Variants in DOCK10 observed in about 807,000 individuals in gnomAD.
DOCK10 encodes the protein dedicator of cytokinesis 10.
Under a neutral mutation model 280.1 loss-of-function variants are expected in DOCK10, and 145 were observed. That is an observed-to-expected ratio of 0.52 (90% CI 0.45 to 0.59). The LOEUF (loss-of-function observed/expected upper bound fraction) is 0.59, where lower values mean the gene tolerates loss of function less well. DOCK10 is among the 20% of genes least tolerant of loss of function. The pLI, the probability that DOCK10 is intolerant of heterozygous loss-of-function variation, is 0.00. For synonymous variants in DOCK10, 915 were observed against 942.2 expected, an observed-to-expected ratio of 0.97 and a Z score of 0.53; for missense variants, 2,368 against 2,651.7, an observed-to-expected ratio of 0.89 and a Z score of 2.35.
At chr2:224,969,061 T>C (rs1165033558) in intron 1 of DOCK10, among the ~76,000 whole-genome samples, 1 of 152,230 alleles carries the variant, frequency 6.6e-6, no homozygotes, top group Non-Finnish European at 1.5e-5. Context: ...GGCAAAGCTG[T>C]TCAGCTGTGA....
At chr2:224,853,156 A>C (rs772399793) in intron 16 of DOCK10, 34 bp from the exon 17 acceptor site, 1 of 1,506,120 alleles carries the variant, frequency 6.6e-7, no homozygotes, top group Non-Finnish European at 9.0e-7. Context: ...TTTGTCATTT[A>C]ATATGGTTCT....
chr2:224,831,967 G>T (rs72970985), intron 26 of DOCK10, among the ~76,000 whole-genome samples: 6,382 of 152,218 alleles, frequency 0.042, 182 homozygotes, highest in Middle Eastern at 0.092. Context: ...TTAAACCTTG[G>T]CCTGTGAGGA....
chr2:224,811,838 G>A (rs1693803116), intron 31 of DOCK10, among the ~76,000 whole-genome samples: 1 of 151,668 alleles, frequency 6.6e-6, no homozygotes, highest in South Asian at 2.1e-4. Flanking sequence ...CTGTTCCATT[G>A]ATCTATATCT....
chr2:225,030,079 G>T (rs1363872927), intron 1 of DOCK10, among the ~76,000 whole-genome samples: 3 of 149,742 alleles, frequency 2.0e-5, no homozygotes, highest in Non-Finnish European at 4.4e-5. Flanking sequence ...CCAGGAGGCA[G>T]AAGTTGCAGT....
chr2:224,765,963 GAC>G (rs1690057214), intron 55 of DOCK10, 126 bp from the exon 56 acceptor site: 1 of 645,762 alleles, frequency 1.5e-6, no homozygotes, highest in African/African-American at 1.9e-5. Flanking sequence ...ATTATAAAAA[GAC>G]ACATATTAAA....
intron 1 of DOCK10, among the ~76,000 whole-genome samples, chr2:224,950,982 T>A (rs1009618868): frequency 6.6e-6 from 1 of 152,144 alleles, no homozygotes; most frequent in African/African-American, 2.4e-5. Flanking sequence ...CTGCATGGCA[T>A]CTGAACAGAG....
At chr2:224,873,343 G>A (rs1300364062) in intron 11 of DOCK10, among the ~76,000 whole-genome samples, 1 of 152,154 alleles carries the variant, frequency 6.6e-6, no homozygotes, top group Non-Finnish European at 1.5e-5. Flanking sequence ...TTGAGAGGTT[G>A]AGGCAGGCAG....
At chr2:224,879,707 G>A (rs184671860) in intron 7 of DOCK10, among the ~76,000 whole-genome samples, 255 of 151,892 alleles carry the variant, frequency 1.7e-3, no homozygotes, top group African/African-American at 5.8e-3. Flanking sequence ...GCAGTGAGCC[G>A]AAATTGCACC....
Position 224,947,041 on chromosome 2 carries a change from C to G in DOCK10, c.124-15373G>C, listed in dbSNP as rs574143794. On this transcript the variant is annotated intron_variant, in intron 1 of 55. Coordinates refer to ENST00000258390, the MANE Select transcript of DOCK10 (RefSeq NM_014689.3). ...TGAAGCGTCACCAGGCTGAACAAATCTTTCTTCTTGGTAAAAAGGGAAATG... is the reference window on the plus strand; with the variant it reads ...TGAAGCGTCACCAGGCTGAACAAATGTTTCTTCTTGGTAAAAAGGGAAATG... 4.9e-6 allele frequency: 7 copies of G among 1,421,440 alleles called. No homozygotes were observed. In the Admixed American group the frequency reaches 1.6e-4, roughly 32 times the overall value. 88.1% of individuals were successfully genotyped at this position (1,421,440 alleles called of 1,614,324 possible).
intron 1 of DOCK10, among the ~76,000 whole-genome samples, chr2:224,963,783 G>C (rs1018579645): frequency 6.6e-6 from 1 of 152,138 alleles, no homozygotes; most frequent in African/African-American, 2.4e-5. Flanking sequence ...TTAGTTACTC[G>C]AAGTTAAAAT....
chr2:224,899,372 T>C (rs951644476), intron 3 of DOCK10, among the ~76,000 whole-genome samples: 1 of 152,204 alleles, frequency 6.6e-6, no homozygotes, highest in Non-Finnish European at 1.5e-5. Flanking sequence ...CATTGAGCCC[T>C]ACTAGGTTAC....
At chr2:224,972,779 T>C (rs1229260953) in intron 1 of DOCK10, among the ~76,000 whole-genome samples, 2 of 152,238 alleles carry the variant, frequency 1.3e-5, no homozygotes, top group Admixed American at 6.5e-5. Context: ...TGAAATTAAA[T>C]GGTTAATTTC....
At chr2:224,852,867 A>C in intron 17 of DOCK10, 68 bp downstream of exon 17, 1 of 1,324,270 alleles carries the variant, frequency 7.6e-7, no homozygotes, top group Non-Finnish European at 1.0e-6. Context: ...TTGCACATTC[A>C]GGAACTATCT....
chr2:224,878,280 T>A (rs951779035), intron 7 of DOCK10, among the ~76,000 whole-genome samples: 5 of 152,354 alleles, frequency 3.3e-5, no homozygotes, highest in Non-Finnish European at 5.9e-5. Flanking sequence ...GGTCATTATT[T>A]AATTTAAATG....
At chr2:224,920,265 G>C (rs1336776313) in intron 2 of DOCK10, among the ~76,000 whole-genome samples, 1 of 148,078 alleles carries the variant, frequency 6.8e-6, no homozygotes, top group Non-Finnish European at 1.5e-5. Flanking sequence ...GTAGAGACAG[G>C]GTCTCACCAT....
intron 1 of DOCK10, among the ~76,000 whole-genome samples, chr2:225,041,384 T>C (rs1690419552): frequency 6.6e-6 from 1 of 152,146 alleles, no homozygotes; most frequent in Admixed American, 6.5e-5. Context: ...CCGTTTCCAC[T>C]AGAGTTGATT....
intron 23 of DOCK10, chr2:224,840,275 G>A: frequency 2.2e-6 from 1 of 447,138 alleles, no homozygotes. Flanking sequence ...AAACTAAAAG[G>A]TTTCAGCACA....
chr2:224,958,590 TA>T (rs1704188255), intron 1 of DOCK10, among the ~76,000 whole-genome samples: 1 of 152,152 alleles, frequency 6.6e-6, no homozygotes, highest in Non-Finnish European at 1.5e-5. Context: ...CCAATTATCC[TA>T]TTTCTGTCAT....
intron 7 of DOCK10, among the ~76,000 whole-genome samples, chr2:224,883,799 C>T (rs911404891): frequency 6.6e-6 from 1 of 152,104 alleles, no homozygotes; most frequent in East Asian, 1.9e-4. Flanking sequence ...CAGATTAGAG[C>T]AATAAGTTCT....
Sources: gnomAD v4.1 joint callset for allele counts (sites outside exome capture counted in the v4.1 genomes callset) on GRCh38, gnomAD v4.1.1 for gene constraint, MANE v1.5 for transcripts, NCBI Gene and HGNC (gene_info 2026-07-23, HGNC 2026-07-21) for gene names.